Variants in UROC1 observed in about 807,000 individuals in gnomAD.
The protein encoded by UROC1 is urocanate hydratase.
UROC1 carries 79 observed loss-of-function variants against 89.5 expected under a neutral mutation model. That is an observed-to-expected ratio of 0.88 (90% CI 0.74 to 1.06). UROC1 has a LOEUF of 1.06. Ranked by LOEUF, UROC1 falls within the 50% of genes least tolerant of loss-of-function variation. The pLI is 0.00. For synonymous variants in UROC1, 361 were observed against 354.8 expected (o/e 1.02, Z -0.20); for missense variants, 885 against 907.8 (o/e 0.97, Z 0.32).
At position 126,508,413 on chromosome 3, in the gene UROC1, T is replaced by G; in HGVS notation, c.411+3A>C. The G allele has an allele frequency of 1.2e-6, 2 of 1,613,694 alleles. No individual in the cohort carries two copies. Among genetic ancestry groups the G allele is most frequent in the Non-Finnish European group, 1.7e-6 (2 of 1,179,792 alleles). On this transcript the variant is annotated splice_donor_region_variant and intron_variant, in intron 4 of 19. Coordinates refer to ENST00000290868, the MANE Select transcript of UROC1 (RefSeq NM_144639.3). ...GGGGACGAGGCCACACGGTGTGCAG[T>G]ACCTGAGCCCAGTTGCTGAACACCT...
intron 14 of UROC1, among the ~76,000 whole-genome samples, chr3:126,497,430 G>C (rs17742502): frequency 6.6e-6 from 1 of 152,128 alleles, no homozygotes; most frequent in Non-Finnish European, 1.5e-5. Flanking sequence ...ACAACCCTCT[G>C]GCAGAACCAA....
intron 9 of UROC1, among the ~76,000 whole-genome samples, chr3:126,503,784 G>A (rs1935989504): frequency 6.6e-6 from 1 of 152,240 alleles, no homozygotes; most frequent in Non-Finnish European, 1.5e-5. Context: ...AGAGGCTTCT[G>A]CCCTATCACC....
At chr3:126,492,602 C>T in intron 15 of UROC1, 86 bp from the exon 16 acceptor site, 2 of 1,065,722 alleles carry the variant, frequency 1.9e-6, no homozygotes, top group Non-Finnish European at 1.4e-6. Flanking sequence ...GGTGGCACTT[C>T]CACTGTGGGA....
Position 126,517,489 on chromosome 3 carries a change from G to A in UROC1, c.126+105C>T. The A allele has an allele frequency of 3.2e-6, 5 of 1,566,562 alleles. No homozygotes were observed. In the African/African-American group the frequency reaches 6.8e-5, roughly 21 times the overall value. ...GAGCCCCTGGAGTCCAGGGTGGGCG[G>A]CTGAGCAGCTCCCACTAAGAGGGCA... On this transcript the variant is annotated intron_variant, in intron 1 of 19. Coordinates refer to ENST00000290868, the MANE Select transcript of UROC1 (RefSeq NM_144639.3).
chr3:126,517,661 C>G lies in UROC1; in HGVS notation c.59G>C (p.Arg20Pro), dbSNP rs184621973. 2 of 1,607,896 alleles carry G rather than the reference C, an allele frequency of 1.2e-6. No individual in the cohort carries two copies. Among genetic ancestry groups the G allele is most frequent in the Admixed American group, 1.7e-5 (1 of 59,292 alleles). Residue 20 changes from arginine (R) to proline (P), a missense_variant, in exon 1 of 20, where the codon CGG (arginine) becomes CCG (proline). Transcript: ENST00000290868. ...ATGGGGCACCCCAGCCTGGCGTCCC[C>G]GGTTCTCTGGGAGGGGCCGCAGGGG... The part of the protein sequence containing the change: ...GLPLRPLPEN[R>P]GRQAGVPHAP...
Position 126,499,382 on chromosome 3 carries a change from C to G in UROC1, c.1271G>C (p.Gly424Ala). 4.3e-6 allele frequency: 7 copies of G among 1,612,824 alleles called. No homozygotes were observed. Among genetic ancestry groups the G allele is most frequent in the Non-Finnish European group, 5.9e-6 (7 of 1,179,784 alleles). Residue 424 changes from glycine to alanine, a missense_variant, in exon 13 of 20, where the codon GGC becomes GCC. Physicochemically the swap from Gly to Ala is moderately conservative, Grantham distance 60. Transcript: ENST00000290868. ...AGADVEKKGA[G>A]RTEFRYPSYV... is the part of the protein sequence containing the mutation. Reference sequence around the variant, plus strand: ...GGAAGGGTAGCGGAACTCTGTCCTGCCAGCACCTTTCTTCTCCACATCCGC... The same window carrying G: ...GGAAGGGTAGCGGAACTCTGTCCTGGCAGCACCTTTCTTCTCCACATCCGC...
At chr3:126,515,049 G>C (rs1936270166) in intron 1 of UROC1, among the ~76,000 whole-genome samples, 1 of 152,066 alleles carries the variant, frequency 6.6e-6, no homozygotes, top group Admixed American at 6.5e-5. Flanking sequence ...CCTACTCCAA[G>C]GGTGTCCTGA....
intron 16 of UROC1, among the ~76,000 whole-genome samples, chr3:126,489,749 G>A (rs759834137): frequency 9.9e-5 from 15 of 152,280 alleles, no homozygotes; most frequent in African/African-American, 3.6e-4. Flanking sequence ...ATATGCCGGC[G>A]CTCCTCGTCT....
intron 15 of UROC1, 50 bp from the exon 16 acceptor site, chr3:126,492,566 C>T (rs755472713): frequency 2.7e-6 from 4 of 1,484,466 alleles, no homozygotes; most frequent in Non-Finnish European, 3.7e-6. Flanking sequence ...GCAGCAATAA[C>T]AGGACCTGGG....
intron 1 of UROC1, among the ~76,000 whole-genome samples, chr3:126,513,031 C>T (rs1050837036): frequency 6.6e-6 from 1 of 152,224 alleles, no homozygotes; most frequent in African/African-American, 2.4e-5. Flanking sequence ...AACTCTGCCT[C>T]GGGCATCAGG....
At chr3:126,511,862 T>C (rs933341745) in intron 1 of UROC1, among the ~76,000 whole-genome samples, 5 of 152,266 alleles carry the variant, frequency 3.3e-5, no homozygotes, top group African/African-American at 7.2e-5. Flanking sequence ...TCTTTATTGC[T>C]GAAATTCAGT....
chr3:126,496,023 G>T lies in UROC1; in HGVS notation c.1509+15C>A. On this transcript the variant is annotated intron_variant, in intron 15 of 19. Transcript: ENST00000290868. ...AGCACAGCCACCCCAGCCTCCCCCA[G>T]GCCTGGGCCCTCACCAGCCGGTGCC... 6.2e-7 allele frequency: 1 copy of T among 1,611,924 alleles called. No individual in the cohort carries two copies. The highest frequency in any genetic ancestry group is 8.5e-7 in the Non-Finnish European group (1 of 1,179,512).
intron 15 of UROC1, 21 bp downstream of exon 15, chr3:126,496,017 C>T (rs770898647): frequency 1.2e-6 from 2 of 1,610,502 alleles, no homozygotes; most frequent in Admixed American, 1.7e-5. Flanking sequence ...ACCCCAGCCT[C>T]CCCCAGGCCT....
intron 6 of UROC1, among the ~76,000 whole-genome samples, chr3:126,507,362 A>T (rs1936084850): frequency 6.6e-6 from 1 of 152,216 alleles, no homozygotes; most frequent in African/African-American, 2.4e-5. Context: ...GCATAAAAAA[A>T]AAAAAAAACA....
chr3:126,500,906 CA>C, intron 10 of UROC1, 32 bp from the exon 11 acceptor site: 1 of 1,580,004 alleles, frequency 6.3e-7, no homozygotes, highest in Non-Finnish European at 8.6e-7. Flanking sequence ...CAGTGCAAGC[CA>C]CACACAGCCT....
rs1474651499 is a variant in UROC1, at chr3:126,500,049, C to A, written c.1243+8G>T. 1 of 1,612,284 alleles carries A rather than the reference C, an allele frequency of 6.2e-7. No homozygotes were observed. The highest frequency in any genetic ancestry group is 1.7e-5 in the Admixed American group (1 of 60,024). ...CCCTCCCTCCTCCTCCCTCCTCCTT[C>A]CTCCTACCTGCTCTCTGGGCCTCCA... On this transcript the variant is annotated splice_region_variant and intron_variant, in intron 12 of 19. Coordinates refer to ENST00000290868, the MANE Select transcript of UROC1 (RefSeq NM_144639.3).
Position 126,508,000 on chromosome 3 carries a change from G to A in UROC1, c.507C>T (p.Arg169=), listed in dbSNP as rs778188768. The change falls in exon 5 of 20, where the codon CGC becomes CGT. Residue 169 remains arginine, a synonymous_variant. Coordinates refer to ENST00000290868, the MANE Select transcript of UROC1 (RefSeq NM_144639.3). The part of the protein sequence containing the change: ...GHPLGLFPSS[R]SAPRLVITNG... ...TGGTGATGACGAGCCGTGGGGCACT[G>A]CGGCTGCTGGGAAAGAGGCCAAGTG... is the stretch of plus-strand genomic sequence containing the variant. 8.7e-6 allele frequency: 14 copies of A among 1,613,946 alleles called. No homozygotes were observed. In the African/African-American group the frequency reaches 1.7e-4, roughly 20 times the overall value.
intron 13 of UROC1, among the ~76,000 whole-genome samples, 160 bp from the exon 14 acceptor site, chr3:126,498,332 C>G (rs1935832298): frequency 6.6e-6 from 1 of 152,164 alleles, no homozygotes; most frequent in Admixed American, 6.5e-5. Flanking sequence ...TCCCTGTCCC[C>G]TCTCTGTGTC....
At chr3:126,496,254 CT>C (rs1233399340) in intron 14 of UROC1, 146 bp from the exon 15 acceptor site, 1 of 750,734 alleles carries the variant, frequency 1.3e-6, no homozygotes, top group African/African-American at 1.7e-5. Context: ...CACCCCACCC[CT>C]GCCTTTGTGA....
Sources: allele counts gnomAD v4.1 joint callset (sites outside exome capture counted in the v4.1 genomes callset), GRCh38; gene constraint gnomAD v4.1.1; transcripts MANE v1.5; gene names NCBI Gene and HGNC (gene_info 2026-07-23, HGNC 2026-07-21).